Variants in DCHS2 observed in about 807,000 individuals in gnomAD.
The protein encoded by DCHS2 is protocadherin-23.
DCHS2 carries 142 observed loss-of-function variants against 182.4 expected under a neutral mutation model. The ratio of observed to expected loss-of-function variants is 0.78; its 90% CI spans 0.68 to 0.89. DCHS2 has a LOEUF of 0.89. Ranked by LOEUF, DCHS2 falls within the 40% of genes least tolerant of loss-of-function variation. The probability of loss-of-function intolerance (pLI) is 0.00; values close to 1 mark genes in which losing one functional copy is unlikely to be tolerated. For missense variants in DCHS2, 4,319 were observed against 4,198.6 expected (o/e 1.03, Z -0.79); for synonymous variants, 1,740 against 1,663.3 (o/e 1.05, Z -1.12).
chr4:154,362,432 T>C (rs1454876687), intron 3 of DCHS2, among the ~76,000 whole-genome samples: 1 of 152,232 alleles, frequency 6.6e-6, no homozygotes, highest in African/African-American at 2.4e-5. Context: ...CTAGATGTTA[T>C]TTATTCATTT....
At chr4:154,259,498 A>G (rs763079060) in intron 15 of DCHS2, 47 bp downstream of exon 15, 2 of 1,565,794 alleles carry the variant, frequency 1.3e-6, no homozygotes, top group African/African-American at 1.4e-5. Context: ...ACACAGACAC[A>G]CCCACACACA....
chr4:154,393,934 A>G (rs1731819218), intron 1 of DCHS2, among the ~76,000 whole-genome samples: 1 of 152,190 alleles, frequency 6.6e-6, no homozygotes, highest in African/African-American at 2.4e-5. Flanking sequence ...CATATGGGAT[A>G]ATTCCTCAGT....
chr4:154,489,183 G>T (rs144139746), intron 1 of DCHS2, 121 bp downstream of exon 1: 45 of 861,972 alleles, frequency 5.2e-5, no homozygotes, highest in Admixed American at 3.0e-5. Context: ...GGGCACTACC[G>T]CCAGTCTTGT....
chr4:154,326,541 A>G (rs913748988), intron 7 of DCHS2, among the ~76,000 whole-genome samples: 2 of 151,958 alleles, frequency 1.3e-5, no homozygotes, highest in Admixed American at 1.3e-4. Context: ...CCAGTCTCAT[A>G]TTTTCTTTTG....
In DCHS2 at chr4:154,240,723, G is replaced by C. The variant is rs1226402180; in HGVS notation, c.7173C>G (p.Thr2391=). 6.2e-7 allele frequency: 1 copy of C among 1,613,914 alleles called. No homozygotes were observed. The highest frequency in any genetic ancestry group is 1.3e-5 in the African/African-American group (1 of 75,032). The change falls in exon 18 of 20, where the codon ACC becomes ACG. Residue 2391 remains threonine (T), a synonymous_variant. Transcript: ENST00000357232. ...CAGTGTTCTGATCAATAGCAAACTT[G>C]GTTCCAGGATTACTCTCTTTGGCAA... ...FSFAKESNPG[T]KFAIDQNTGV...
rs771684791 is a variant in DCHS2, at chr4:154,239,152, C to T, written c.7492+18G>A. Reference sequence around the variant, plus strand: ...AAACCCAAACCTATGAGCATTAATGCAATTATAAATAACTCACCATTCTTA... The same window carrying T: ...AAACCCAAACCTATGAGCATTAATGTAATTATAAATAACTCACCATTCTTA... On this transcript the variant is annotated intron_variant, in intron 19 of 19. Coordinates refer to ENST00000357232, the MANE Select transcript of DCHS2 (RefSeq NM_001358235.2). 1.2e-6 allele frequency: 2 copies of T among 1,604,864 alleles called. No individual in the cohort carries two copies. Among genetic ancestry groups the T allele is most frequent in the Admixed American group, 1.7e-5 (1 of 58,068 alleles).
chr4:154,234,968 T>C lies in DCHS2; in HGVS notation c.9684A>G (p.Gly3228=). 1.2e-6 allele frequency: 2 copies of C among 1,614,098 alleles called. No individual in the cohort carries two copies. Among genetic ancestry groups the C allele is most frequent in the Non-Finnish European group, 1.7e-6 (2 of 1,179,984 alleles). The change falls in exon 20 of 20, where the codon GGA becomes GGG. Residue 3228 remains glycine (G), a synonymous_variant. Coordinates refer to ENST00000357232, the MANE Select transcript of DCHS2 (RefSeq NM_001358235.2). ...GATAATTCCAGTGATAGTTGTCTTTTCCATCATGATCAGAGGTCGTCTGAG... is the reference window on the plus strand; with the variant it reads ...GATAATTCCAGTGATAGTTGTCTTTCCCATCATGATCAGAGGTCGTCTGAG... ...LSTQTTSDHD[G]KDNYHWNYLL...
At chr4:154,478,037 C>T (rs956293940) in intron 1 of DCHS2, among the ~76,000 whole-genome samples, 1 of 151,450 alleles carries the variant, frequency 6.6e-6, no homozygotes, top group African/African-American at 2.4e-5. Context: ...TTTGTTTACA[C>T]TAGGTGAAGC....
chr4:154,370,617 G>T lies in DCHS2; in HGVS notation c.2245-4176C>A, dbSNP rs573399443. ...TGGATGGGACCCTAAACAGTAGAGAGATTTGCTTTTGATGCAAGCAGGGAC... is the reference window on the plus strand; with the variant it reads ...TGGATGGGACCCTAAACAGTAGAGATATTTGCTTTTGATGCAAGCAGGGAC... On this transcript the variant is annotated intron_variant, in intron 2 of 19. Coordinates refer to ENST00000357232, the MANE Select transcript of DCHS2 (RefSeq NM_001358235.2). Among the ~76,000 whole-genome samples the T allele has an allele frequency of 3.9e-5, 6 of 152,270 alleles. No homozygotes were observed. In the East Asian group the frequency reaches 1.2e-3, roughly 29 times the overall value.
At chr4:154,392,006 G>A (rs1246711169) in intron 1 of DCHS2, among the ~76,000 whole-genome samples, 1 of 152,180 alleles carries the variant, frequency 6.6e-6, no homozygotes, top group South Asian at 2.1e-4. Context: ...CTCTCTTGGG[G>A]TACAATCATG....
At chr4:154,465,007 C>A (rs1298414015) in intron 1 of DCHS2, among the ~76,000 whole-genome samples, 2 of 152,184 alleles carry the variant, frequency 1.3e-5, no homozygotes, top group Non-Finnish European at 2.9e-5. Flanking sequence ...GGTTTAAATA[C>A]TGTTAAAAAG....
At chr4:154,361,907 G>A (rs1020947937) in intron 3 of DCHS2, among the ~76,000 whole-genome samples, 1 of 151,894 alleles carries the variant, frequency 6.6e-6, no homozygotes, top group Non-Finnish European at 1.5e-5. Context: ...AAGCATGTAA[G>A]TTTATAAAAT....
chr4:154,408,430 C>T (rs140278623), intron 1 of DCHS2, among the ~76,000 whole-genome samples: 48 of 152,134 alleles, frequency 3.2e-4, no homozygotes, highest in African/African-American at 9.4e-4. Flanking sequence ...ATGTTGACCA[C>T]GGAAAATAAA....
At chr4:154,414,188 T>TAG (rs1197996267) in intron 1 of DCHS2, among the ~76,000 whole-genome samples, 24 of 137,214 alleles carry the variant, frequency 1.7e-4, no homozygotes, top group African/African-American at 6.9e-4. Flanking sequence ...ATTATATATA[T>TAG]ATATATATAG....
At chr4:154,315,567 A>G (rs1224049250) in intron 10 of DCHS2, among the ~76,000 whole-genome samples, 181 bp downstream of exon 10, 2 of 152,246 alleles carry the variant, frequency 1.3e-5, no homozygotes, top group Admixed American at 1.3e-4. Flanking sequence ...CTTATGTGAT[A>G]TATCTGTATC....
intron 1 of DCHS2, among the ~76,000 whole-genome samples, chr4:154,384,139 G>A (rs1337104133): frequency 1.3e-5 from 2 of 152,134 alleles, no homozygotes; most frequent in Non-Finnish European, 2.9e-5. Flanking sequence ...ATATTCCAGT[G>A]GAACTTGGAA....
intron 1 of DCHS2, among the ~76,000 whole-genome samples, chr4:154,400,955 T>C (rs765913329): frequency 3.3e-5 from 5 of 152,212 alleles, no homozygotes; most frequent in Non-Finnish European, 5.9e-5. Flanking sequence ...AGTTATGCAA[T>C]GACCCTAAGG....
At chr4:154,421,686 G>A (rs1232664360) in intron 1 of DCHS2, among the ~76,000 whole-genome samples, 4 of 152,280 alleles carry the variant, frequency 2.6e-5, no homozygotes, top group South Asian at 4.1e-4. Flanking sequence ...AAGCCACCAC[G>A]CCCGAACTCA....
In DCHS2 at chr4:154,234,946, A is replaced by C. The variant is rs754275076; in HGVS notation, c.9706T>G (p.Tyr3236Asp). The part of the protein sequence containing the change: ...HDGKDNYHWN[Y>D]LLSWEPKFQP... Reference sequence around the variant, plus strand: ...AATTTGGGCTCCCAACTAAGAAGATAATTCCAGTGATAGTTGTCTTTTCCA... The same window carrying C: ...AATTTGGGCTCCCAACTAAGAAGATCATTCCAGTGATAGTTGTCTTTTCCA... The change falls in exon 20 of 20, where the codon TAT becomes GAT. Residue 3236 changes from tyrosine to aspartate, a missense_variant. Tyr to Asp is a radical substitution (Grantham distance 160, BLOSUM62 -3). Transcript: ENST00000357232. 1.2e-6 allele frequency: 2 copies of C among 1,614,024 alleles called. No individual in the cohort carries two copies. Among genetic ancestry groups the C allele is most frequent in the Admixed American group, 3.3e-5 (2 of 60,014 alleles).
Sources: gnomAD v4.1 joint callset for allele counts (sites outside exome capture counted in the v4.1 genomes callset) on GRCh38, gnomAD v4.1.1 for gene constraint, MANE v1.5 for transcripts, NCBI Gene and HGNC (gene_info 2026-07-23, HGNC 2026-07-21) for gene names.